The following TSBP1 variants were observed in gnomAD, a reference collection of about 807,000 sequenced individuals.
TSBP1 encodes the protein testis-expressed basic protein 1.
Under a neutral mutation model 68.8 loss-of-function variants are expected in TSBP1, and 56 were observed. That is an observed-to-expected ratio of 0.81 (90% CI 0.66 to 1.02). The LOEUF (loss-of-function observed/expected upper bound fraction) is 1.02, where lower values mean the gene tolerates loss of function less well. Ranked by LOEUF, TSBP1 falls within the 50% of genes least tolerant of loss-of-function variation. The pLI is 0.00. For synonymous variants in TSBP1, 171 were observed against 208.7 expected (o/e 0.82, Z 1.56); for missense variants, 502 against 641.2 (o/e 0.78, Z 2.34).
intron 6 of TSBP1, among the ~76,000 whole-genome samples, chr6:32,358,965 T>G (rs1222073982): frequency 6.7e-6 from 1 of 149,804 alleles, no homozygotes; most frequent in Admixed American, 6.6e-5. Flanking sequence ...ATGTGCACAA[T>G]GTGCAGGTTA....
intron 1 of TSBP1, among the ~76,000 whole-genome samples, chr6:32,370,460 T>G (rs1213143538): frequency 6.9e-6 from 1 of 145,208 alleles, no homozygotes; most frequent in East Asian, 2.0e-4. Context: ...TAAATAAGAT[T>G]TATAAATATA....
chr6:32,363,900 C>T, intron 6 of TSBP1, among the ~76,000 whole-genome samples: 1 of 152,066 alleles, frequency 6.6e-6, no homozygotes, highest in South Asian at 2.1e-4. Flanking sequence ...AGAACATTCT[C>T]TAGCATTTCT....
intron 4 of TSBP1, among the ~76,000 whole-genome samples, chr6:32,367,195 T>C (rs1242674254): frequency 6.6e-6 from 1 of 150,982 alleles, no homozygotes; most frequent in East Asian, 1.9e-4. Context: ...GTGGTTCTTG[T>C]TGAGTTCTGG....
intron 7 of TSBP1, 68 bp from the exon 8 acceptor site, chr6:32,355,212 G>C: frequency 1.3e-6 from 2 of 1,487,882 alleles, no homozygotes; most frequent in Non-Finnish European, 1.9e-6. Flanking sequence ...TTACATATCA[G>C]CTTCAGTTGC....
At position 32,292,915 on chromosome 6, in the gene TSBP1, G is replaced by A. The variant is rs762503456; in HGVS notation, c.*66C>T. 5.3e-6 allele frequency: 5 copies of A among 935,640 alleles called. No homozygotes were observed. Among genetic ancestry groups the A allele is most frequent in the Non-Finnish European group, 8.3e-6 (5 of 605,518 alleles). 58.0% of individuals were successfully genotyped at this position (935,640 alleles called of 1,614,324 possible). On this transcript the variant is annotated 3_prime_UTR_variant, in exon 23 of 23. Transcript: ENST00000612031. This position sits in a 1 kb window ranked among gnomAD's most constrained non-coding sequence, Gnocchi z 4.1. Reference sequence around the variant, plus strand: ...TCTGTTTAGGCAATGGCTGGGATATGGTTTGTATCTGGAGTATGGGAATCA... The same window carrying A: ...TCTGTTTAGGCAATGGCTGGGATATAGTTTGTATCTGGAGTATGGGAATCA...
At chr6:32,369,588 CT>C (rs1408946326) in intron 2 of TSBP1, among the ~76,000 whole-genome samples, 2 of 152,110 alleles carry the variant, frequency 1.3e-5, no homozygotes, top group Non-Finnish European at 2.9e-5. Flanking sequence ...TCAGGCTGGT[CT>C]TGAACTCCTG....
Position 32,324,005 on chromosome 6 carries a change from TTTG to T in TSBP1, c.515-394_515-392del, listed in dbSNP as rs373274375. ...CCCCATTGCTCAAATTGTCTTTCAG[TTTG>T]TTAAGTCCCTTGTAATATATCATTT... is the stretch of plus-strand genomic sequence containing the variant. On this transcript the variant is annotated intron_variant, in intron 16 of 22. Coordinates refer to ENST00000612031, the Ensembl canonical transcript of TSBP1. 8.9e-3 allele frequency: 2,064 copies of T among 231,694 alleles called. 122 individuals carry two copies. The South Asian group carries it at 0.097, about 11-fold the overall frequency. 14.4% of individuals were successfully genotyped at this position (231,694 alleles called of 1,614,324 possible). A position where few individuals can be genotyped will look rare whatever the true frequency, so the allele number is the denominator to read the frequency against.
intron 1 of TSBP1, among the ~76,000 whole-genome samples, chr6:32,371,459 T>G (rs1774416236): frequency 6.6e-6 from 1 of 152,192 alleles, no homozygotes. Context: ...TTTGTTCAGT[T>G]TAAACTCTAG....
chr6:32,342,268 A>T (rs1055870498), intron 9 of TSBP1, among the ~76,000 whole-genome samples: 4 of 151,698 alleles, frequency 2.6e-5, no homozygotes, highest in African/African-American at 4.8e-5. Flanking sequence ...GGTTCAAGCA[A>T]TTCTCCTGCC....
chr6:32,309,593 A>C (rs1449298823), intron 19 of TSBP1, among the ~76,000 whole-genome samples: 2 of 151,644 alleles, frequency 1.3e-5, no homozygotes, highest in African/African-American at 2.4e-5. Context: ...ATTCTTTTTA[A>C]AATTTTTTTA....
rs7750286 is a variant in TSBP1, at chr6:32,357,945, G to C, written c.218-2276C>G. ...ACTGAAATCCCCAGCAGTGTCTCTGGGGTGGGGCTGCATTCACTTGCAGGA... is the reference window on the plus strand; with the variant it reads ...ACTGAAATCCCCAGCAGTGTCTCTGCGGTGGGGCTGCATTCACTTGCAGGA... On this transcript the variant is annotated intron_variant, in intron 6 of 22. Coordinates refer to ENST00000612031, the Ensembl canonical transcript of TSBP1. The surrounding 1 kb of genome is among the most constrained non-coding windows in gnomAD (Gnocchi z 4.7). Among the ~76,000 whole-genome samples the C allele has an allele frequency of 6.6e-6, 1 of 152,124 alleles. No individual in the cohort carries two copies. The highest frequency in any genetic ancestry group is 1.5e-5 in the Non-Finnish European group (1 of 68,016).
rs1766733763 is a variant in TSBP1 at position 32,314,403 on chromosome 6, T to A, written c.580+1369A>T. Among the ~76,000 whole-genome samples the A allele has an allele frequency of 6.6e-6, 1 of 152,194 alleles. No individual in the cohort carries two copies. The highest frequency in any genetic ancestry group is 1.5e-5 in the Non-Finnish European group (1 of 68,038). ...TAATTTCTAGCTGTGAGACCAATAA[T>A]CCCTTCTCCTGAACTTTGGTGGGCC... is the stretch of plus-strand genomic sequence containing the variant. On this transcript the variant is annotated intron_variant, in intron 19 of 22. Coordinates refer to ENST00000612031, the Ensembl canonical transcript of TSBP1. The surrounding 1 kb of genome is among the most constrained non-coding windows in gnomAD (Gnocchi z 4.2).
In TSBP1 at chr6:32,316,064, G is replaced by A. The variant is rs1239814878; in HGVS notation, c.560-272C>T. Among the ~76,000 whole-genome samples, 3 of 152,078 alleles carry A rather than the reference G, an allele frequency of 2.0e-5. No homozygotes were observed. Among genetic ancestry groups the A allele is most frequent in the East Asian group, 1.9e-4 (1 of 5,198 alleles). ...ACCCAACAGCTTTGGGTATAGTCTCGGGTAGAGACTGCCATATCTTTCTGT... is the reference window on the plus strand; with the variant it reads ...ACCCAACAGCTTTGGGTATAGTCTCAGGTAGAGACTGCCATATCTTTCTGT... On this transcript the variant is annotated intron_variant, in intron 18 of 22. Transcript: ENST00000612031. The surrounding 1 kb of genome is among the most constrained non-coding windows in gnomAD (Gnocchi z 4.5).
At chr6:32,346,598 G>A (rs1771024841) in intron 9 of TSBP1, among the ~76,000 whole-genome samples, 1 of 152,122 alleles carries the variant, frequency 6.6e-6, no homozygotes, top group African/African-American at 2.4e-5. Context: ...AGCAATTTGG[G>A]AAGCCGGGGA....
At chr6:32,346,011 T>TACTCACCATCCA (rs1268210715) in intron 9 of TSBP1, among the ~76,000 whole-genome samples, 1 of 48,526 alleles carries the variant, frequency 2.1e-5, no homozygotes, top group African/African-American at 6.9e-5. Flanking sequence ...TCATTTTTTT[T>TACTCACCATCCA]TTTTTTTTTT....
At chr6:32,293,292 T>A in exon 23 of TSBP1, 1 of 1,612,654 alleles carries the variant, frequency 6.2e-7, no homozygotes, top group Non-Finnish European at 8.5e-7. Flanking sequence ...CTCACCTCAG[T>A]GTTCTTTACT....
chr6:32,320,464 G>A (rs548841828), intron 18 of TSBP1, among the ~76,000 whole-genome samples: 1 of 152,116 alleles, frequency 6.6e-6, no homozygotes, highest in South Asian at 2.1e-4. Flanking sequence ...TGTATCTTGA[G>A]GCTTTTGCTG....
chr6:32,354,831 AG>A (rs1370181737), intron 8 of TSBP1, among the ~76,000 whole-genome samples: 1 of 152,150 alleles, frequency 6.6e-6, no homozygotes, highest in Non-Finnish European at 1.5e-5. Flanking sequence ...CATTAAAAAA[AG>A]ATACTATATT....
At chr6:32,320,580 T>G (rs922390971) in intron 18 of TSBP1, among the ~76,000 whole-genome samples, 3 of 152,128 alleles carry the variant, frequency 2.0e-5, no homozygotes, top group African/African-American at 7.2e-5. Context: ...AACTTTAGCT[T>G]CTTCTTGCAA....
Sources: allele counts gnomAD v4.1 joint callset (sites outside exome capture counted in the v4.1 genomes callset), GRCh38; gene constraint gnomAD v4.1.1; non-coding constraint Gnocchi (gnomAD v3.1); transcripts MANE v1.5; gene names NCBI Gene and HGNC (gene_info 2026-07-23, HGNC 2026-07-21).